The following HERC2 variants were observed in gnomAD, a reference collection of about 807,000 sequenced individuals.
The protein encoded by HERC2 is HECT and RLD domain containing E3 ubiquitin protein ligase 2.
Under a neutral mutation model 537.7 loss-of-function variants are expected in HERC2, and 102 were observed. That is an observed-to-expected ratio of 0.19 (90% confidence interval 0.16 to 0.22). HERC2 has a LOEUF of 0.22. Among genes scored for constraint, HERC2 ranks in the 10% least tolerant of loss-of-function variants. The pLI is 1.00. For missense variants in HERC2, 4,236 were observed against 6,198.2 expected (o/e 0.68, Z 10.63); for synonymous variants, 2,224 against 2,466.2 (o/e 0.90, Z 2.91).
intron 15 of HERC2, among the ~76,000 whole-genome samples, chr15:28,261,598 A>T (rs775094970): frequency 6.6e-6 from 1 of 152,200 alleles, no homozygotes; most frequent in African/African-American, 2.4e-5. Flanking sequence ...GGTGTTTCTC[A>T]ACAGTAATTT....
Position 28,136,451 on chromosome 15 carries a change from G to A in HERC2, c.12016-759C>T, listed in dbSNP as rs200915075. 3.5e-4 allele frequency among the ~76,000 whole-genome samples: 54 copies of A among 152,384 alleles called. No homozygotes were observed. The East Asian group carries it at 8.7e-3, about 24-fold the overall frequency. ...GGTGTGAGGCTCTCTGGTGCACAGGGTGCAGGGTAATGCAGCATGCCTCCC... is the reference window on the plus strand; with the variant it reads ...GGTGTGAGGCTCTCTGGTGCACAGGATGCAGGGTAATGCAGCATGCCTCCC... On this transcript the variant is annotated intron_variant, in intron 78 of 92. Transcript: ENST00000261609.
intron 53 of HERC2, 38 bp downstream of exon 53, chr15:28,191,923 T>C (rs369550808): frequency 1.3e-5 from 21 of 1,576,506 alleles, no homozygotes; most frequent in African/African-American, 1.2e-4. Context: ...AAACCATCGG[T>C]GTGAAAGTGC....
chr15:28,320,114 A>C (rs1056186338), intron 2 of HERC2: 1 of 151,282 alleles, frequency 6.6e-6, no homozygotes, highest in Non-Finnish European at 1.5e-5. Flanking sequence ...CCCATCATCC[A>C]CAACAGCTTT....
rs141472056 is a variant in HERC2, at chr15:28,272,069, C to T, written c.1083+146G>A. The T allele has an allele frequency of 8.4e-5, 59 of 703,398 alleles. No homozygotes were observed. In the African/African-American group the frequency reaches 8.9e-4, roughly 11 times the overall value. 43.6% of individuals were successfully genotyped at this position (703,398 alleles called of 1,614,324 possible). A position where few individuals can be genotyped will look rare whatever the true frequency, so the allele number is the denominator to read the frequency against. On this transcript the variant is annotated intron_variant, in intron 9 of 92. Coordinates refer to ENST00000261609, the MANE Select transcript of HERC2 (RefSeq NM_004667.6). ...TTCTCCACAAACAAGTGACCTCCCA[C>T]ACCTGTCTCATCTGACTCGCTGCTA...
At chr15:28,231,838 CA>C (rs61645210) in intron 30 of HERC2, among the ~76,000 whole-genome samples, 22,026 of 126,060 alleles carry the variant, frequency 0.17, 5,308 homozygotes, top group African/African-American at 0.54. Context: ...ACTTAATTTC[CA>C]AAAAAAAAAA....
intron 81 of HERC2, among the ~76,000 whole-genome samples, chr15:28,130,991 G>C (rs992002085): frequency 6.6e-6 from 1 of 152,142 alleles, no homozygotes; most frequent in African/African-American, 2.4e-5. Context: ...CGGGGGAGGA[G>C]CAGCAGGCAA....
chr15:28,142,317 A>G lies in HERC2; in HGVS notation c.11621T>C (p.Phe3874Ser). 6.2e-7 allele frequency: 1 copy of G among 1,614,240 alleles called. No individual in the cohort carries two copies. The highest frequency in any genetic ancestry group is 8.5e-7 in the Non-Finnish European group (1 of 1,180,038). Residue 3874 changes from phenylalanine to serine, a missense_variant, in exon 76 of 93, where the codon TTC (phenylalanine) becomes TCC (serine). By Grantham distance (155) the Phe-to-Ser change is radical. Coordinates refer to ENST00000261609, the MANE Select transcript of HERC2 (RefSeq NM_004667.6). ...ACGGGAGGCCATGCAGTACCTCCGG[A>G]ACCAGGCCCACTTGTGCGTCTCGGC... Reference protein sequence around the residue: ...CCAETHKWAWFRRYCMASRVA... With the variant: ...CCAETHKWAWSRRYCMASRVA...
chr15:28,314,824 G>A (rs1373029591), intron 2 of HERC2, among the ~76,000 whole-genome samples: 4 of 150,434 alleles, frequency 2.7e-5, no homozygotes, highest in Non-Finnish European at 5.9e-5. Flanking sequence ...TCGCGCCACT[G>A]CACTCCAGCC....
intron 45 of HERC2, among the ~76,000 whole-genome samples, chr15:28,204,402 A>C (rs1379284853): frequency 6.6e-6 from 1 of 152,134 alleles, no homozygotes; most frequent in Admixed American, 6.5e-5. Flanking sequence ...AGGGCGGATC[A>C]TGAGGTCAGG....
chr15:28,280,343 T>C, intron 4 of HERC2, 56 bp from the exon 5 acceptor site: 1 of 1,413,324 alleles, frequency 7.1e-7, no homozygotes, highest in Non-Finnish European at 9.7e-7. Context: ...CACAGTTTGT[T>C]GCAATGTTGA....
chr15:28,225,979 GCTGGTCAACTCTAC>G (rs1384761652), intron 35 of HERC2, among the ~76,000 whole-genome samples: 1 of 152,152 alleles, frequency 6.6e-6, no homozygotes, highest in African/African-American at 2.4e-5. Context: ...GAAAAGCTTA[GCTGGTCAACTCTAC>G]CAAAGATTTA....
Position 28,285,036 on chromosome 15 carries a change from C to T in HERC2, c.323-4749G>A, listed in dbSNP as rs1667394. ...GACGCAGCAATTCAAAACGTGCATA[C>T]ACCAAACAAACAAAGAAACAATGAA... On this transcript the variant is annotated intron_variant, in intron 4 of 92. Transcript: ENST00000261609. Among the ~76,000 whole-genome samples, 90,643 of 150,464 alleles carry T rather than the reference C, an allele frequency of 0.6. 33,986 individuals carry two copies. The highest frequency in any genetic ancestry group is 0.84 in the Non-Finnish European group (57,004 of 67,882).
chr15:28,246,778 C>G lies in HERC2; in HGVS notation c.3355G>C (p.Ala1119Pro), dbSNP rs754085213. 6.2e-7 allele frequency: 1 copy of G among 1,605,866 alleles called. No individual in the cohort carries two copies. Among genetic ancestry groups the G allele is most frequent in the Non-Finnish European group, 8.5e-7 (1 of 1,176,544 alleles). The stretch of plus-strand genomic sequence containing the variant: ...CCTTCCACAATGTAAGCCACCTCCG[C>G]GAAGTGCCGCCAGCTGGTAGAAGCA... ...SIASTSWRHFAEVAYIVEGDF... is the reference protein window; with the variant it reads ...SIASTSWRHFPEVAYIVEGDF... The change falls in exon 22 of 93, where the codon GCG (alanine) becomes CCG (proline). Residue 1119 changes from alanine (A) to proline (P), a missense_variant. By Grantham distance (27) the Ala-to-Pro change is conservative. Transcript: ENST00000261609.
chr15:28,209,299 AAAG>A (rs1234825056), intron 44 of HERC2, among the ~76,000 whole-genome samples: 2 of 152,210 alleles, frequency 1.3e-5, no homozygotes, highest in Non-Finnish European at 2.9e-5. Context: ...ATAATTTTAA[AAAG>A]AATAGCAATA....
intron 42 of HERC2, 71 bp downstream of exon 42, chr15:28,213,671 A>T (rs1899523597): frequency 1.5e-5 from 24 of 1,608,998 alleles, no homozygotes; most frequent in Non-Finnish European, 2.0e-5. Flanking sequence ...TCAAGTGCTG[A>T]TGCTGGTGCT....
chr15:28,159,836 C>G (rs1211110302), intron 69 of HERC2, among the ~76,000 whole-genome samples: 3 of 152,224 alleles, frequency 2.0e-5, no homozygotes, highest in African/African-American at 7.2e-5. Context: ...AGTTTTTCTG[C>G]TCTGTTTTTT....
chr15:28,284,938 A>AAAAAAAAAAAAAAAAAAAAAC (rs2076117325), intron 4 of HERC2, among the ~76,000 whole-genome samples: 1 of 148,502 alleles, frequency 6.7e-6, no homozygotes. Flanking sequence ...AAAAAAAAAA[A>AAAAAAAAAAAAAAAAAAAAAC]AAAAAAAAAA....
intron 65 of HERC2, 41 bp downstream of exon 65, chr15:28,174,354 A>C (rs368979634): frequency 7.2e-7 from 1 of 1,386,792 alleles, no homozygotes; most frequent in South Asian, 1.3e-5. Flanking sequence ...GTTGCTGTAA[A>C]CCTACAGAAA....
Position 28,281,393 on chromosome 15 carries a change from CTT to C in HERC2, c.323-1108_323-1107del, listed in dbSNP as rs1343036333. On this transcript the variant is annotated intron_variant, in intron 4 of 92. Transcript: ENST00000261609. ...CCAGTGGCGAGGTGAGAGCTGGTCTCTTTTGTGCTTGCCTCTCTGCTGCTTAC... is the reference window on the plus strand; with the variant it reads ...CCAGTGGCGAGGTGAGAGCTGGTCTCTTGTGCTTGCCTCTCTGCTGCTTAC... Among the ~76,000 whole-genome samples the C allele has an allele frequency of 5.9e-5, 9 of 152,274 alleles. No individual in the cohort carries two copies. In the East Asian group the frequency reaches 1.7e-3, roughly 29 times the overall value.
Sources: allele counts gnomAD v4.1 joint callset (sites outside exome capture counted in the v4.1 genomes callset), GRCh38; gene constraint gnomAD v4.1.1; transcripts MANE v1.5; gene names NCBI Gene and HGNC (gene_info 2026-07-23, HGNC 2026-07-21).